The following NAV2 variants were observed in gnomAD, a reference collection of about 807,000 sequenced individuals.
NAV2 encodes neuron navigator 2.
NAV2 carries 54 observed loss-of-function variants against 223.2 expected under a neutral mutation model. The observed-to-expected ratio is 0.24, with a 90% confidence interval of 0.19 to 0.30. The LOEUF is 0.30. NAV2 is among the 10% of genes least tolerant of loss of function. The pLI is 1.00. For missense variants in NAV2, 2,806 were observed against 3,147.5 expected (o/e 0.89, Z 2.60); for synonymous variants, 1,279 against 1,239.3 (o/e 1.03, Z -0.67).
chr11:19,561,915 G>C (rs2045113089), intron 1 of NAV2, among the ~76,000 whole-genome samples: 1 of 152,166 alleles, frequency 6.6e-6, no homozygotes, highest in Admixed American at 6.5e-5. Flanking sequence ...GGATGATGAA[G>C]GGGGCTCCTG....
intron 1 of NAV2, among the ~76,000 whole-genome samples, chr11:19,679,405 TG>T (rs2048814726): frequency 1.1e-5 from 1 of 92,102 alleles, no homozygotes; most frequent in African/African-American, 3.0e-5. Flanking sequence ...CACTCCAGCC[TG>T]GGCAACAGAA....
chr11:19,940,000 CA>C (rs2046272968), intron 8 of NAV2, among the ~76,000 whole-genome samples: 1 of 151,746 alleles, frequency 6.6e-6, no homozygotes, highest in Admixed American at 6.6e-5. Flanking sequence ...GAATCGTAAA[CA>C]AGTCTCTTAC....
chr11:19,560,638 G>A (rs1033784510), intron 1 of NAV2, among the ~76,000 whole-genome samples: 1 of 152,222 alleles, frequency 6.6e-6, no homozygotes. Flanking sequence ...GTACAAATAT[G>A]AGCTTTATTG....
chr11:19,910,426 T>A (rs931888062), intron 6 of NAV2, among the ~76,000 whole-genome samples: 1 of 151,638 alleles, frequency 6.6e-6, no homozygotes, highest in African/African-American at 2.4e-5. Flanking sequence ...GCTTAGGGAC[T>A]GGGAGAAGGT....
chr11:19,724,629 C>T (rs1040595322), intron 1 of NAV2, among the ~76,000 whole-genome samples: 2 of 152,210 alleles, frequency 1.3e-5, no homozygotes, highest in African/African-American at 4.8e-5. Context: ...CAACACTGAC[C>T]ACCTCCCATA....
chr11:19,362,741 G>A (rs922441560), intron 1 of NAV2, among the ~76,000 whole-genome samples: 1 of 152,052 alleles, frequency 6.6e-6, no homozygotes, highest in African/African-American at 2.4e-5. Context: ...CTGTGCCTCA[G>A]TTTCTTCATC....
chr11:19,870,203 TC>T (rs2062391200), intron 4 of NAV2, among the ~76,000 whole-genome samples: 1 of 151,998 alleles, frequency 6.6e-6, no homozygotes, highest in Non-Finnish European at 1.5e-5. Flanking sequence ...CGGACCCTCA[TC>T]CATGGGGATA....
intron 1 of NAV2, among the ~76,000 whole-genome samples, chr11:19,425,733 C>G (rs1850801076): frequency 6.6e-6 from 1 of 152,066 alleles, no homozygotes; most frequent in Admixed American, 6.5e-5. Flanking sequence ...TGGTTTTAAC[C>G]CTTCTTAGTT....
chr11:19,368,201 T>G (rs147113382), intron 1 of NAV2, among the ~76,000 whole-genome samples: 3 of 152,344 alleles, frequency 2.0e-5, no homozygotes, highest in African/African-American at 7.2e-5. Context: ...CAATGTCCAG[T>G]AGCAGGTTCA....
Position 19,933,290 on chromosome 11 carries a change from C to G in NAV2, c.1046C>G (p.Pro349Arg), listed in dbSNP as rs367880415. 3.7e-6 allele frequency: 6 copies of G among 1,613,628 alleles called. No individual in the cohort carries two copies. In the South Asian group the frequency reaches 4.4e-5, roughly 12 times the overall value. ...AATTGCAGTACCTCCTCGGCCATCC[C>G]GCAGCCCGGTGCAGCCACCAAGCCT... is the stretch of plus-strand genomic sequence containing the variant. ...PTNCSTSSAI[P>R]QPGAATKPWR... is the part of the protein sequence containing the mutation. The change falls in exon 7 of 38, where the codon CCG becomes CGG. Residue 349 changes from proline to arginine, a missense_variant. This residue lies in a region of NAV2 where 1,167 missense variants were observed against 1,180.5 expected (regional missense o/e 0.99). Transcript: ENST00000349880. This position sits in a 1 kb window ranked among gnomAD's most constrained non-coding sequence, Gnocchi z 4.3.
intron 10 of NAV2, chr11:19,981,349 G>A (rs1481939629): frequency 1.3e-5 from 2 of 152,170 alleles, no homozygotes; most frequent in Non-Finnish European, 2.9e-5. Context: ...GGGCTGCAAC[G>A]TTTCTCAGCA....
chr11:19,612,930 G>C (rs1054705691), intron 1 of NAV2, among the ~76,000 whole-genome samples: 6 of 152,194 alleles, frequency 3.9e-5, no homozygotes, highest in African/African-American at 1.2e-4. Context: ...ACCTGAAACT[G>C]GGAAGAAAAA....
intron 1 of NAV2, among the ~76,000 whole-genome samples, chr11:19,422,557 C>T (rs951882319): frequency 6.6e-6 from 1 of 151,798 alleles, no homozygotes; most frequent in African/African-American, 2.4e-5. Flanking sequence ...CAACAGGAAG[C>T]CGCCCATAAG....
intron 1 of NAV2, among the ~76,000 whole-genome samples, chr11:19,685,303 A>G (rs2048992590): frequency 1.3e-5 from 2 of 152,244 alleles, no homozygotes; most frequent in Non-Finnish European, 2.9e-5. Flanking sequence ...CCATGATATC[A>G]TCCATCAGTG....
At chr11:20,079,840 T>A (rs956612341) in intron 24 of NAV2, among the ~76,000 whole-genome samples, 5 of 152,158 alleles carry the variant, frequency 3.3e-5, no homozygotes, top group Non-Finnish European at 5.9e-5. Context: ...TTGACTTCTG[T>A]TTTGTAAAGT....
At chr11:19,985,251 G>A (rs73434116) in intron 11 of NAV2, among the ~76,000 whole-genome samples, 7,018 of 152,270 alleles carry the variant, frequency 0.046, 510 homozygotes, top group African/African-American at 0.16. Flanking sequence ...CAAAGAGACA[G>A]ATACTGAAAT....
intron 4 of NAV2, among the ~76,000 whole-genome samples, chr11:19,870,530 C>T (rs1011779868): frequency 6.6e-6 from 1 of 152,024 alleles, no homozygotes; most frequent in Non-Finnish European, 1.5e-5. Context: ...GGTAGTGACC[C>T]CTGGCTACTC....
At chr11:19,826,917 G>A (rs1363371488) in intron 1 of NAV2, among the ~76,000 whole-genome samples, 2 of 152,234 alleles carry the variant, frequency 1.3e-5, no homozygotes, top group African/African-American at 4.8e-5. Context: ...CGGTGGGCCA[G>A]CCCCTGTGAC....
intron 1 of NAV2, among the ~76,000 whole-genome samples, chr11:19,426,915 A>C (rs1850852791): frequency 6.6e-6 from 1 of 152,088 alleles, no homozygotes; most frequent in Admixed American, 6.5e-5. Flanking sequence ...CAGTGCTGCT[A>C]TTTGCTTCAC....
Sources: gnomAD v4.1 joint callset for allele counts (sites outside exome capture counted in the v4.1 genomes callset) on GRCh38, gnomAD v4.1.1 for gene constraint, gnomAD v4.1.1 regional missense constraint, Gnocchi (gnomAD v3.1) non-coding constraint, MANE v1.5 for transcripts, NCBI Gene and HGNC (gene_info 2026-07-23, HGNC 2026-07-21) for gene names.